Variants in HCFC2 observed in about 807,000 individuals in gnomAD.
HCFC2 encodes the protein host cell factor C2, also known as host cell factor 2.
In HCFC2, 18 loss-of-function variants were observed where a neutral mutation model predicts 89.2. That is an observed-to-expected ratio of 0.20 (90% CI 0.14 to 0.30). HCFC2 has a LOEUF of 0.30. Ranked by LOEUF, HCFC2 falls within the 10% of genes least tolerant of loss-of-function variation. The probability of loss-of-function intolerance (pLI) is 1.00; values close to 1 mark genes in which losing one functional copy is unlikely to be tolerated. For missense variants in HCFC2, 578 were observed against 956.1 expected (o/e 0.60, Z 5.21); for synonymous variants, 308 against 335.7 (o/e 0.92, Z 0.90).
chr12:104,066,058 C>A, intron 1 of HCFC2, 109 bp from the exon 2 acceptor site: 1 of 1,057,322 alleles, frequency 9.5e-7, no homozygotes, highest in Non-Finnish European at 1.4e-6. Flanking sequence ...TTCTGGGGGG[C>A]AGAATCATCC....
chr12:104,078,111 G>A (rs560098433), intron 3 of HCFC2, among the ~76,000 whole-genome samples: 7 of 152,052 alleles, frequency 4.6e-5, no homozygotes, highest in Non-Finnish European at 1.0e-4. Flanking sequence ...CCATTCTCCT[G>A]CCTCAGCCTC....
chr12:104,079,333 G>A lies in HCFC2; in HGVS notation c.474-112G>A, dbSNP rs189667875. ...GTTTCTGCTCTCCTAATGCCTTTCT[G>A]TACTATATGAACTTTTCACAGTAAG... is the stretch of plus-strand genomic sequence containing the variant. On this transcript the variant is annotated intron_variant, in intron 3 of 14. Coordinates refer to ENST00000229330, the MANE Select transcript of HCFC2 (RefSeq NM_013320.3). 5 of 826,088 alleles carry A rather than the reference G, an allele frequency of 6.1e-6. No individual in the cohort carries two copies. In the East Asian group the frequency reaches 1.1e-4, roughly 18 times the overall value. 51.2% of individuals were successfully genotyped at this position (826,088 alleles called of 1,614,324 possible). A position where few individuals can be genotyped will look rare whatever the true frequency, so the allele number is the denominator to read the frequency against.
intron 4 of HCFC2, 146 bp downstream of exon 4, chr12:104,079,799 G>T: frequency 1.6e-6 from 1 of 639,640 alleles, no homozygotes; most frequent in Non-Finnish European, 2.7e-6. Flanking sequence ...TGATATGAAT[G>T]GTTGCTGATA....
At chr12:104,087,788 G>T (rs1390756911) in intron 8 of HCFC2, among the ~76,000 whole-genome samples, 198 bp from the exon 9 acceptor site, 1 of 152,006 alleles carries the variant, frequency 6.6e-6, no homozygotes, top group East Asian at 1.9e-4. Context: ...ATAGGCCTTG[G>T]AAGTAAAAGC....
intron 7 of HCFC2, among the ~76,000 whole-genome samples, 189 bp downstream of exon 7, chr12:104,083,090 G>T (rs1308162304): frequency 6.6e-6 from 1 of 151,960 alleles, no homozygotes; most frequent in East Asian, 1.9e-4. Flanking sequence ...AGTGTAGGCT[G>T]GATTTAAAGA....
chr12:104,069,349 CATT>C (rs1385971273), intron 3 of HCFC2, among the ~76,000 whole-genome samples: 4 of 151,908 alleles, frequency 2.6e-5, no homozygotes, highest in Non-Finnish European at 5.9e-5. Flanking sequence ...GAATACAATG[CATT>C]ATTATTAACT....
rs1428216973 is a variant in HCFC2 at position 104,103,285 on chromosome 12, T to C, written c.*12T>C. The C allele has an allele frequency of 3.1e-6, 5 of 1,592,490 alleles. No individual in the cohort carries two copies. The South Asian group carries it at 5.6e-5, about 18-fold the overall frequency. ...CACCTTTAAATTGAATTGGTTTTTT[T>C]ACTGAAGCTATTGTGATGATGATTA... On this transcript the variant is annotated 3_prime_UTR_variant, in exon 15 of 15. Coordinates refer to ENST00000229330, the MANE Select transcript of HCFC2 (RefSeq NM_013320.3).
intron 3 of HCFC2, among the ~76,000 whole-genome samples, chr12:104,069,755 A>G (rs1029574735): frequency 1.3e-5 from 2 of 151,912 alleles, no homozygotes; most frequent in Non-Finnish European, 1.5e-5. Flanking sequence ...ATAGGTATAC[A>G]TGTGCCATGG....
intron 7 of HCFC2, among the ~76,000 whole-genome samples, chr12:104,086,635 T>TAAATAAAG (rs1426526673): frequency 6.6e-6 from 1 of 151,278 alleles, no homozygotes; most frequent in Non-Finnish European, 1.5e-5. Context: ...AATAAATAAA[T>TAAATAAAG]AAATAAATAA....
chr12:104,104,037 A>G lies in HCFC2; in HGVS notation c.*764A>G, dbSNP rs2030024432. The G allele has an allele frequency of 3.3e-5, 5 of 152,192 alleles. No individual in the cohort carries two copies. The South Asian group carries it at 1.0e-3, about 31-fold the overall frequency. The allele number at this position is 152,192 out of a possible 1,614,324, so 9.4% of individuals were successfully genotyped here. A position where few individuals can be genotyped will look rare whatever the true frequency, so the allele number is the denominator to read the frequency against. ...GCAGTTTATCTTTTAGGTCCCTTTC[A>G]GCACTAAGGTTTTGTGTTTTTAGTA... On this transcript the variant is annotated 3_prime_UTR_variant, in exon 15 of 15. Coordinates refer to ENST00000229330, the MANE Select transcript of HCFC2 (RefSeq NM_013320.3).
chr12:104,092,210 A>G (rs184319714), intron 9 of HCFC2, among the ~76,000 whole-genome samples: 22 of 152,314 alleles, frequency 1.4e-4, no homozygotes, highest in Admixed American at 4.6e-4. Flanking sequence ...GCTCACAGCT[A>G]TAATCCCAAC....
At chr12:104,074,873 A>G (rs1883447038) in intron 3 of HCFC2, among the ~76,000 whole-genome samples, 1 of 152,146 alleles carries the variant, frequency 6.6e-6, no homozygotes, top group Admixed American at 6.5e-5. Context: ...ATTATATTTA[A>G]ATAACTTAAT....
Position 104,104,007 on chromosome 12 carries a change from T to A in HCFC2, c.*734T>A, listed in dbSNP as rs1414931269. 1.3e-5 allele frequency: 2 copies of A among 152,012 alleles called. No individual in the cohort carries two copies. The highest frequency in any genetic ancestry group is 4.8e-5 in the African/African-American group (2 of 41,418). 9.4% of individuals were successfully genotyped at this position (152,012 alleles called of 1,614,324 possible). On this transcript the variant is annotated 3_prime_UTR_variant, in exon 15 of 15. Coordinates refer to ENST00000229330, the MANE Select transcript of HCFC2 (RefSeq NM_013320.3). ...ATTTTCCTCATAACAGATGAGGGAG[T>A]TAAAGCAGTTTATCTTTTAGGTCCC...
At chr12:104,073,753 G>A (rs1278053534) in intron 3 of HCFC2, among the ~76,000 whole-genome samples, 1 of 152,040 alleles carries the variant, frequency 6.6e-6, no homozygotes, top group Admixed American at 6.6e-5. Context: ...TTTTCTATTG[G>A]TTTGAAATTC....
At chr12:104,101,316 T>C (rs999917167) in intron 13 of HCFC2, among the ~76,000 whole-genome samples, 6 of 152,140 alleles carry the variant, frequency 3.9e-5, no homozygotes, top group Non-Finnish European at 8.8e-5. Flanking sequence ...AAACCCCGTC[T>C]CTACTGAAAA....
intron 3 of HCFC2, among the ~76,000 whole-genome samples, chr12:104,076,563 G>A (rs1883500412): frequency 6.6e-6 from 1 of 152,186 alleles, no homozygotes; most frequent in Admixed American, 6.5e-5. Context: ...GATTTTCATA[G>A]CTTATACTTA....
intron 13 of HCFC2, among the ~76,000 whole-genome samples, chr12:104,098,857 A>G (rs11111894): frequency 0.29 from 44,361 of 151,994 alleles, 6,638 homozygotes; most frequent in South Asian, 0.42. Flanking sequence ...AAACTTAGCC[A>G]GGCGTGGTGA....
Position 104,103,648 on chromosome 12 carries a change from A to G in HCFC2, c.*375A>G, listed in dbSNP as rs1192967964. On this transcript the variant is annotated 3_prime_UTR_variant, in exon 15 of 15. Coordinates refer to ENST00000229330, the MANE Select transcript of HCFC2 (RefSeq NM_013320.3). Reference sequence around the variant, plus strand: ...TGTTGTATACTATGCTGTCTTATATAGTAAATGTTCTCTACATTGTAAATG... The same window carrying G: ...TGTTGTATACTATGCTGTCTTATATGGTAAATGTTCTCTACATTGTAAATG... The G allele has an allele frequency of 5.6e-6, 1 of 178,028 alleles. No individual in the cohort carries two copies. Among genetic ancestry groups the G allele is most frequent in the Non-Finnish European group, 1.2e-5 (1 of 84,254 alleles). The allele number at this position is 178,028 out of a possible 1,614,324, so 11.0% of individuals were successfully genotyped here.
Position 104,102,245 on chromosome 12 carries a change from A to G in HCFC2, c.2064+92A>G, listed in dbSNP as rs543489801. The G allele has an allele frequency of 1.1e-4, 116 of 1,053,816 alleles. 2 individuals carry two copies. In the South Asian group the frequency reaches 1.8e-3, roughly 16 times the overall value. The allele number at this position is 1,053,816 out of a possible 1,614,324, so 65.3% of individuals were successfully genotyped here. On this transcript the variant is annotated intron_variant, in intron 14 of 14. Transcript: ENST00000229330. ...TGTCAGTTTAGAAATTCTTGTTACCATCTAATGAAATGAGAGATACCTAAA... is the reference window on the plus strand; with the variant it reads ...TGTCAGTTTAGAAATTCTTGTTACCGTCTAATGAAATGAGAGATACCTAAA...
Sources: gnomAD v4.1 joint callset for allele counts (sites outside exome capture counted in the v4.1 genomes callset) on GRCh38, gnomAD v4.1.1 for gene constraint, MANE v1.5 for transcripts, NCBI Gene and HGNC (gene_info 2026-07-23, HGNC 2026-07-21) for gene names.